Variants in ARPP21 observed in about 807,000 individuals in gnomAD.
ARPP21 encodes the protein cAMP regulated phosphoprotein 21.
Under a neutral mutation model 113.2 loss-of-function variants are expected in ARPP21, and 69 were observed. That is an observed-to-expected ratio of 0.61 (90% CI 0.50 to 0.74). The LOEUF (loss-of-function observed/expected upper bound fraction) is 0.74, where lower values mean the gene tolerates loss of function less well. ARPP21 is among the 30% of genes least tolerant of loss of function. The probability of loss-of-function intolerance (pLI) is 0.00; values close to 1 mark genes in which losing one functional copy is unlikely to be tolerated. For synonymous variants in ARPP21, 368 were observed against 375.5 expected (o/e 0.98, Z 0.23); for missense variants, 1,070 against 1,037.4 (o/e 1.03, Z -0.43).
At chr3:35,695,443 T>C (rs1188985882) in intron 9 of ARPP21, among the ~76,000 whole-genome samples, 1 of 151,560 alleles carries the variant, frequency 6.6e-6, no homozygotes, top group Non-Finnish European at 1.5e-5. Context: ...CTCAAACGTT[T>C]TACACTATAG....
chr3:35,789,767 G>A (rs1000706686), intron 19 of ARPP21, among the ~76,000 whole-genome samples: 1 of 152,126 alleles, frequency 6.6e-6, no homozygotes, highest in African/African-American at 2.4e-5. Flanking sequence ...CACCCAACCT[G>A]CCCACTCTTT....
intron 9 of ARPP21, among the ~76,000 whole-genome samples, chr3:35,706,255 G>A (rs139550078): frequency 9.1e-4 from 139 of 152,200 alleles, no homozygotes; most frequent in African/African-American, 3.3e-3. Context: ...ACAAGGAAGT[G>A]GAGCCCTTTC....
At chr3:35,649,494 C>T (rs541429731) in intron 1 of ARPP21, among the ~76,000 whole-genome samples, 3 of 152,166 alleles carry the variant, frequency 2.0e-5, no homozygotes, top group Admixed American at 6.5e-5. Context: ...GGCAAAAGCA[C>T]GTTTACAAAT....
intron 1 of ARPP21, among the ~76,000 whole-genome samples, chr3:35,651,121 G>A (rs375868727): frequency 1.3e-5 from 2 of 151,988 alleles, no homozygotes; most frequent in African/African-American, 4.8e-5. Context: ...AATTTAAATG[G>A]TTCTGTAGGA....
chr3:35,645,491 T>A (rs1699852906), intron 1 of ARPP21, among the ~76,000 whole-genome samples: 1 of 151,932 alleles, frequency 6.6e-6, no homozygotes. Context: ...TTGTAAAGTG[T>A]AATATATGAT....
At chr3:35,656,848 C>T (rs1705199485) in intron 1 of ARPP21, among the ~76,000 whole-genome samples, 1 of 151,920 alleles carries the variant, frequency 6.6e-6, no homozygotes, top group Admixed American at 6.6e-5. Flanking sequence ...AATTACACTA[C>T]CATTTAGTTA....
Position 35,681,348 on chromosome 3 carries a change from A to T in ARPP21, c.-38-366A>T, listed in dbSNP as rs953268596. 1.9e-5 allele frequency: 3 copies of T among 160,204 alleles called. No homozygotes were observed. The East Asian group carries it at 5.4e-4, about 29-fold the overall frequency. The allele number at this position is 160,204 out of a possible 1,614,324, so 9.9% of individuals were successfully genotyped here. A position where few individuals can be genotyped will look rare whatever the true frequency, so the allele number is the denominator to read the frequency against. The stretch of plus-strand genomic sequence containing the variant: ...TGCAGAACATCAATGCCACATCTTG[A>T]GTCAGAAGTCGAGGGTCATTTGTTC... On this transcript the variant is annotated intron_variant, in intron 2 of 20. Transcript: ENST00000684406.
At chr3:35,774,624 G>T (rs1363884052) in intron 19 of ARPP21, among the ~76,000 whole-genome samples, 1 of 152,166 alleles carries the variant, frequency 6.6e-6, no homozygotes, top group Non-Finnish European at 1.5e-5. Flanking sequence ...GCTGAATTAA[G>T]GATTTTCAAT....
chr3:35,782,319 C>A (rs2096543116), intron 19 of ARPP21, among the ~76,000 whole-genome samples: 1 of 152,136 alleles, frequency 6.6e-6, no homozygotes, highest in African/African-American at 2.4e-5. Flanking sequence ...TGATCTTTAA[C>A]CAAGTCTTCC....
intron 1 of ARPP21, among the ~76,000 whole-genome samples, chr3:35,660,574 C>A (rs1264728277): frequency 6.6e-6 from 1 of 152,194 alleles, no homozygotes; most frequent in Non-Finnish European, 1.5e-5. Context: ...AATACTTGAA[C>A]TCTCAAGGAA....
At chr3:35,785,909 G>A (rs917226279) in intron 19 of ARPP21, among the ~76,000 whole-genome samples, 3 of 151,916 alleles carry the variant, frequency 2.0e-5, no homozygotes, top group African/African-American at 7.3e-5. Flanking sequence ...AAGTTCCTAA[G>A]GAATTAAAAC....
At chr3:35,725,068 G>A (rs955773498) in intron 14 of ARPP21, among the ~76,000 whole-genome samples, 3 of 152,100 alleles carry the variant, frequency 2.0e-5, no homozygotes, top group Non-Finnish European at 2.9e-5. Flanking sequence ...CCACTGAATC[G>A]AAAAGCAGGA....
chr3:35,658,915 G>A (rs1706323932), intron 1 of ARPP21, among the ~76,000 whole-genome samples: 1 of 152,028 alleles, frequency 6.6e-6, no homozygotes, highest in South Asian at 2.1e-4. Flanking sequence ...ATGAATTAGG[G>A]TCTTGTTTAC....
At chr3:35,782,497 C>A (rs1403418063) in intron 19 of ARPP21, among the ~76,000 whole-genome samples, 1 of 152,104 alleles carries the variant, frequency 6.6e-6, no homozygotes, top group Non-Finnish European at 1.5e-5. Flanking sequence ...AGCTCTCTGA[C>A]CTGTCTTGTA....
At chr3:35,746,353 A>C (rs932561924) in intron 19 of ARPP21, among the ~76,000 whole-genome samples, 3 of 152,186 alleles carry the variant, frequency 2.0e-5, no homozygotes, top group African/African-American at 7.2e-5. Flanking sequence ...TGTTGAGCCT[A>C]GGGAGACTAA....
chr3:35,731,761 A>T (rs2093991942), intron 15 of ARPP21, among the ~76,000 whole-genome samples: 1 of 152,030 alleles, frequency 6.6e-6, no homozygotes, highest in Admixed American at 6.6e-5. Context: ...TTTTTCTGTC[A>T]TTGCTGTGAA....
Position 35,659,489 on chromosome 3 carries a change from G to A in ARPP21, c.-213+19091G>A, listed in dbSNP as rs1264777785. ...TGCATTCATTTCCTATTGTATTCTA[G>A]ACATCTTGGCGGGTCCTAGAGACCC... On this transcript the variant is annotated intron_variant, in intron 1 of 20. Transcript: ENST00000684406. Among the ~76,000 whole-genome samples the A allele has an allele frequency of 3.9e-5, 6 of 152,040 alleles. No individual in the cohort carries two copies. In the South Asian group the frequency reaches 1.0e-3, roughly 26 times the overall value.
chr3:35,746,455 C>T (rs1559830447), intron 19 of ARPP21, among the ~76,000 whole-genome samples: 1 of 152,156 alleles, frequency 6.6e-6, no homozygotes, highest in South Asian at 2.1e-4. Context: ...CTTCAGATAA[C>T]TGTATAAGTT....
At position 35,721,763 on chromosome 3, in the gene ARPP21, G is replaced by C; in HGVS notation, c.1154G>C (p.Gly385Ala). 6.2e-7 allele frequency: 1 copy of C among 1,613,724 alleles called. No homozygotes were observed. Among genetic ancestry groups the C allele is most frequent in the Non-Finnish European group, 8.5e-7 (1 of 1,179,826 alleles). ...GCCATGACCAAGACGGCGAGTTTTG[G>C]GGGCATCACGGTGCTGACCAGGGGT... ...KPAMTKTASF[G>A]GITVLTRGDS... is the part of the protein sequence containing the mutation. The change falls in exon 14 of 21, where the codon GGG becomes GCG. Residue 385 changes from glycine to alanine, a missense_variant. Physicochemically the swap from Gly to Ala is moderately conservative, Grantham distance 60. Transcript: ENST00000684406.
Sources: gnomAD v4.1 joint callset for allele counts (sites outside exome capture counted in the v4.1 genomes callset) on GRCh38, gnomAD v4.1.1 for gene constraint, MANE v1.5 for transcripts, NCBI Gene and HGNC (gene_info 2026-07-23, HGNC 2026-07-21) for gene names.